The following PDZRN3 variants were observed in gnomAD, a reference collection of about 807,000 sequenced individuals.
PDZRN3 encodes the protein E3 ubiquitin-protein ligase PDZRN3.
PDZRN3 carries 38 observed loss-of-function variants against 85.7 expected under a neutral mutation model. The ratio of observed to expected loss-of-function variants is 0.44; its 90% confidence interval spans 0.34 to 0.58. The LOEUF is 0.58. Ranked by LOEUF, PDZRN3 falls within the 20% of genes least tolerant of loss-of-function variation. The probability of loss-of-function intolerance (pLI) is 0.01; values close to 1 mark genes in which losing one functional copy is unlikely to be tolerated. For synonymous variants in PDZRN3, 759 were observed against 638.0 expected (o/e 1.19, Z -2.86); for missense variants, 1,629 against 1,506.4 (o/e 1.08, Z -1.35).
At chr3:73,451,717 C>T (rs1702865632) in intron 3 of PDZRN3, among the ~76,000 whole-genome samples, 2 of 152,186 alleles carry the variant, frequency 1.3e-5, no homozygotes, top group South Asian at 4.1e-4. Flanking sequence ...TAAAACATCG[C>T]TTCCCCTTTC....
intron 3 of PDZRN3, among the ~76,000 whole-genome samples, chr3:73,553,455 A>C (rs955302671): frequency 2.0e-5 from 3 of 152,106 alleles, no homozygotes; most frequent in African/African-American, 7.2e-5. Context: ...ACATGCCTGT[A>C]ATCCCAGCTA....
intron 3 of PDZRN3, among the ~76,000 whole-genome samples, chr3:73,573,811 C>CA (rs1702078393): frequency 2.3e-4 from 34 of 149,242 alleles, no homozygotes; most frequent in African/African-American, 8.4e-4. Flanking sequence ...ACACATACAC[C>CA]TATACATATA....
intron 3 of PDZRN3, among the ~76,000 whole-genome samples, chr3:73,495,534 G>A (rs559790962): frequency 5.3e-5 from 8 of 152,094 alleles, no homozygotes; most frequent in Non-Finnish European, 8.8e-5. Flanking sequence ...TTATCCGTGC[G>A]CATATATTTG....
At chr3:73,491,581 T>A (rs1356378966) in intron 3 of PDZRN3, among the ~76,000 whole-genome samples, 2 of 115,288 alleles carry the variant, frequency 1.7e-5, no homozygotes, top group Non-Finnish European at 1.9e-5. Flanking sequence ...AAAAACCTTG[T>A]GTGGAAGGTT....
intron 3 of PDZRN3, chr3:73,569,456 G>A (rs926527893): frequency 3.1e-5 from 35 of 1,111,356 alleles, no homozygotes; most frequent in South Asian, 6.6e-5. Flanking sequence ...GCCCCGAGGC[G>A]TCTACACTGA....
chr3:73,488,117 C>T (rs1296056439), intron 3 of PDZRN3, among the ~76,000 whole-genome samples: 1 of 152,112 alleles, frequency 6.6e-6, no homozygotes, highest in African/African-American at 2.4e-5. Flanking sequence ...CAGGTGCCAG[C>T]ACAGGTCTGA....
chr3:73,425,144 A>T (rs2106786135), intron 3 of PDZRN3, among the ~76,000 whole-genome samples: 1 of 151,804 alleles, frequency 6.6e-6, no homozygotes, highest in East Asian at 1.9e-4. Context: ...CCTCCTGAGT[A>T]GCTGGGACCA....
intron 3 of PDZRN3, chr3:73,561,759 G>A (rs1302268380): frequency 1.3e-5 from 2 of 152,112 alleles, no homozygotes; most frequent in Admixed American, 6.5e-5. Context: ...CCCATTTTCT[G>A]AGGCACGTGT....
chr3:73,575,864 T>C (rs1702115705), intron 3 of PDZRN3, among the ~76,000 whole-genome samples: 1 of 152,180 alleles, frequency 6.6e-6, no homozygotes, highest in African/African-American at 2.4e-5. Flanking sequence ...AATTTTTGCA[T>C]ATTACCTAAG....
intron 3 of PDZRN3, chr3:73,433,549 C>A: frequency 1.2e-6 from 1 of 810,390 alleles, no homozygotes. Flanking sequence ...CACAAAAACA[C>A]ACATAAAAAT....
At chr3:73,481,737 A>C (rs1703565267) in intron 3 of PDZRN3, among the ~76,000 whole-genome samples, 2 of 152,254 alleles carry the variant, frequency 1.3e-5, no homozygotes, top group African/African-American at 4.8e-5. Flanking sequence ...TTAAAAATGG[A>C]AATGTTCAAA....
intron 3 of PDZRN3, among the ~76,000 whole-genome samples, chr3:73,416,038 A>G (rs919578275): frequency 6.6e-6 from 1 of 150,390 alleles, no homozygotes; most frequent in African/African-American, 2.4e-5. Context: ...AGGAGGGTGG[A>G]GAATCCACAA....
intron 3 of PDZRN3, among the ~76,000 whole-genome samples, chr3:73,590,781 C>T (rs1393501260): frequency 6.6e-6 from 1 of 152,184 alleles, no homozygotes; most frequent in Non-Finnish European, 1.5e-5. Flanking sequence ...ATGTTTCTTA[C>T]AAGCACATTG....
chr3:73,416,662 T>C (rs1186296662), intron 3 of PDZRN3, among the ~76,000 whole-genome samples: 1 of 152,194 alleles, frequency 6.6e-6, no homozygotes, highest in East Asian at 1.9e-4. Flanking sequence ...ATTCTGTGAC[T>C]GGCTAGAAAA....
chr3:73,449,540 GAACA>G (rs1702816335), intron 3 of PDZRN3, among the ~76,000 whole-genome samples: 1 of 152,140 alleles, frequency 6.6e-6, no homozygotes. Context: ...CTTGTATATT[GAACA>G]AATAATTATT....
chr3:73,535,114 C>T (rs78477489), intron 3 of PDZRN3, among the ~76,000 whole-genome samples: 2,140 of 152,226 alleles, frequency 0.014, 40 homozygotes, highest in African/African-American at 0.049. Flanking sequence ...TCTGCCTTAA[C>T]ACCAGCAATG....
At chr3:73,509,693 A>C (rs1275301260) in intron 3 of PDZRN3, among the ~76,000 whole-genome samples, 1 of 152,236 alleles carries the variant, frequency 6.6e-6, no homozygotes, top group Non-Finnish European at 1.5e-5. Flanking sequence ...CTTTCCAAGG[A>C]AAACAGCCTC....
chr3:73,495,293 T>C (rs1283553132), intron 3 of PDZRN3, among the ~76,000 whole-genome samples: 6 of 34,026 alleles, frequency 1.8e-4, no homozygotes, highest in African/African-American at 3.9e-4. Context: ...ACAAATATAT[T>C]TTGCTTGTAA....
At chr3:73,491,096 G>C (rs1246374675) in intron 3 of PDZRN3, among the ~76,000 whole-genome samples, 1 of 152,228 alleles carries the variant, frequency 6.6e-6, no homozygotes, top group African/African-American at 2.4e-5. Context: ...TCATAAGTGC[G>C]ACCCTCTGGC....
Sources: gnomAD v4.1 joint callset for allele counts (sites outside exome capture counted in the v4.1 genomes callset) on GRCh38, gnomAD v4.1.1 for gene constraint, MANE v1.5 for transcripts, NCBI Gene and HGNC (gene_info 2026-07-23, HGNC 2026-07-21) for gene names.